CFAP47: variants seen among roughly 807,000 people sequenced by gnomAD.
CFAP47 encodes the protein cilia and flagella associated protein 47.
A neutral mutation model predicts 148.1 loss-of-function variants in CFAP47; 29 were observed. The ratio of observed to expected loss-of-function variants is 0.20; its 90% confidence interval spans 0.15 to 0.27. CFAP47 has a LOEUF of 0.27. Ranked by LOEUF, CFAP47 falls within the 10% of genes least tolerant of loss-of-function variation. The probability of loss-of-function intolerance (pLI) is 1.00; values close to 1 mark genes in which losing one functional copy is unlikely to be tolerated. For missense variants in CFAP47, 1,872 were observed against 1,697.5 expected (o/e 1.10, Z -1.81); for synonymous variants, 664 against 577.3 (o/e 1.15, Z -2.15).
chrX:36,371,672 ATGTG>A (rs1491349289), intron 62 of CFAP47, among the ~76,000 whole-genome samples: 3 of 70,056 alleles, frequency 4.3e-5, no homozygotes, highest in African/African-American at 1.7e-4. Context: ...ATATACACAC[ATGTG>A]TATATATGTG....
rs782074822 is a variant in CFAP47 at position 36,259,829 on chromosome X, C to G, written c.7444+8385C>G. 2.7e-5 allele frequency among the ~76,000 whole-genome samples: 3 copies of G among 111,295 alleles called. No homozygotes were observed. In the East Asian group the frequency reaches 8.5e-4, roughly 32 times the overall value. On this transcript the variant is annotated intron_variant, in intron 49 of 63. Coordinates refer to ENST00000378653, the MANE Select transcript of CFAP47 (RefSeq NM_001304548.2). ...TGTCACCAAGGTATTTAGCATAGTA[C>G]CTGATAAGTTGCCTTCCAACCAATG...
intron 57 of CFAP47, among the ~76,000 whole-genome samples, chrX:36,339,965 A>G (rs1357750538): frequency 9.8e-5 from 11 of 111,950 alleles, no homozygotes; most frequent in Non-Finnish European, 2.1e-4. Flanking sequence ...TGCATGAGTA[A>G]TGTGACCTTC....
At chrX:35,923,955 A>G (rs1430101628) in intron 1 of CFAP47, among the ~76,000 whole-genome samples, 1 of 77,901 alleles carries the variant, frequency 1.3e-5, no homozygotes, top group Non-Finnish European at 2.4e-5. Flanking sequence ...ATGTGTATAT[A>G]TGTACATATA....
chrX:36,261,878 G>T (rs4310351), intron 49 of CFAP47, among the ~76,000 whole-genome samples: 37,718 of 108,692 alleles, frequency 0.35, 7,544 homozygotes, highest in African/African-American at 0.75. Flanking sequence ...GCAGAGGGGC[G>T]CCTCACTTCC....
chrX:36,150,863 C>T, intron 37 of CFAP47, among the ~76,000 whole-genome samples: 1 of 111,470 alleles, frequency 9.0e-6, no homozygotes, highest in South Asian at 3.7e-4. Flanking sequence ...AGAACCTACC[C>T]ATTTTCCAAG....
chrX:35,951,433 A>G (rs768664361), intron 5 of CFAP47, 74 bp downstream of exon 5: 89 of 693,524 alleles, frequency 1.3e-4, no homozygotes, highest in Non-Finnish European at 1.8e-4. Flanking sequence ...ATAATAACCA[A>G]CAAGCTTTTT....
rs1490436459 is a variant in CFAP47, at chrX:36,301,175, G to A, written c.7966G>A (p.Gly2656Ser). 3 of 1,095,831 alleles carry A rather than the reference G, an allele frequency of 2.7e-6. No homozygotes were observed. Among genetic ancestry groups the A allele is most frequent in the African/African-American group, 3.7e-5 (2 of 54,107 alleles). 90.3% of individuals were successfully genotyped at this position (1,095,831 alleles called of 1,213,427 possible). The change falls in exon 53 of 64, where the codon GGC (glycine) becomes AGC (serine). Residue 2656 changes from glycine (G) to serine (S), a missense_variant. Gly to Ser is a moderately conservative substitution (Grantham distance 56). Coordinates refer to ENST00000378653, the MANE Select transcript of CFAP47 (RefSeq NM_001304548.2). ...TTMPEIQCDL[G>S]KHVTQIIPLV... is the part of the protein sequence containing the mutation. ...AATGCCAGAAATACAGTGCGACCTT[G>A]GCAAGTAAGTTCTACTTAATAGATA...
At chrX:36,376,083 G>A (rs1450031243) in intron 62 of CFAP47, among the ~76,000 whole-genome samples, 1 of 111,691 alleles carries the variant, frequency 9.0e-6, no homozygotes, top group Non-Finnish European at 1.9e-5. Context: ...TGGAGGCAGA[G>A]GCCAGCTGTG....
intron 49 of CFAP47, among the ~76,000 whole-genome samples, chrX:36,271,802 G>A (rs1205964950): frequency 5.4e-5 from 6 of 111,266 alleles, no homozygotes; most frequent in Admixed American, 4.8e-4. Context: ...AAGCTTTAGC[G>A]GAAAAAATGG....
chrX:36,364,903 TA>T (rs1941860028), intron 61 of CFAP47, among the ~76,000 whole-genome samples: 8 of 6,084 alleles, frequency 1.3e-3, no homozygotes, highest in Non-Finnish European at 1.8e-3. Flanking sequence ...ATTTTGTGCA[TA>T]TATATATATA....
At chrX:36,042,479 C>T (rs1937417467) in intron 25 of CFAP47, among the ~76,000 whole-genome samples, 1 of 110,215 alleles carries the variant, frequency 9.1e-6, no homozygotes, top group South Asian at 3.7e-4. Context: ...ACTTAAAATT[C>T]AATATAATTT....
rs994759158 is a variant in CFAP47 at position 36,006,025 on chromosome X, C to T, written c.3417+4318C>T. ...AAGTTTATGTATTTTTCTAATAAGTCTATATTGTGATTTTATATTTTCATA... is the reference window on the plus strand; with the variant it reads ...AAGTTTATGTATTTTTCTAATAAGTTTATATTGTGATTTTATATTTTCATA... On this transcript the variant is annotated intron_variant, in intron 21 of 63. Transcript: ENST00000378653. Among the ~76,000 whole-genome samples, 75 of 110,280 alleles carry T rather than the reference C, an allele frequency of 6.8e-4. 1 individual carries two copies. The highest frequency in any genetic ancestry group is 8.7e-4 in the Non-Finnish European group (46 of 52,727).
At chrX:36,108,501 ATCTACCTACTTTTT>A (rs1201576083) in intron 33 of CFAP47, among the ~76,000 whole-genome samples, 1 of 111,774 alleles carries the variant, frequency 8.9e-6, no homozygotes, top group Non-Finnish European at 1.9e-5. Context: ...TATCTTCTGA[ATCTACCTACTTTTT>A]TCTAGCTCTT....
At chrX:36,168,902 T>G (rs1229866399) in intron 39 of CFAP47, among the ~76,000 whole-genome samples, 1 of 112,615 alleles carries the variant, frequency 8.9e-6, no homozygotes, top group African/African-American at 3.2e-5. Flanking sequence ...GAAATATTTC[T>G]TGTGCCACAG....
rs1556020434 is a variant in CFAP47 at position 36,367,071 on chromosome X, A to G, written c.9129A>G (p.Glu3043=). Residue 3043 remains glutamate (E), a synonymous_variant, in exon 62 of 64, where the codon GAA becomes GAG. Coordinates refer to ENST00000378653, the MANE Select transcript of CFAP47 (RefSeq NM_001304548.2). ...EPDTDAVIDI[E]GVGLFKESVF... ...ATACGGATGCTGTCATTGACATTGA[A>G]GGAGTTGGTTTATTTAAGGAATCTG... is the stretch of plus-strand genomic sequence containing the variant. 1 of 1,160,642 alleles carries G rather than the reference A, an allele frequency of 8.6e-7. No individual in the cohort carries two copies. The highest frequency in any genetic ancestry group is 1.8e-5 in the African/African-American group (1 of 56,210).
intron 44 of CFAP47, among the ~76,000 whole-genome samples, chrX:36,201,703 T>A (rs144690574): frequency 0.013 from 1,464 of 112,070 alleles, 23 homozygotes; most frequent in African/African-American, 0.045. Context: ...AGCATTCTAC[T>A]ATGTAATTTA....
chrX:35,925,198 C>T (rs1935718369), intron 1 of CFAP47, among the ~76,000 whole-genome samples: 1 of 110,613 alleles, frequency 9.0e-6, no homozygotes, highest in South Asian at 3.9e-4. Context: ...CAGTGAAACC[C>T]CATCTCTACT....
intron 26 of CFAP47, among the ~76,000 whole-genome samples, chrX:36,051,644 T>C (rs769293433): frequency 1.8e-5 from 2 of 111,846 alleles, no homozygotes; most frequent in African/African-American, 6.5e-5. Context: ...GGACTTGCCT[T>C]ATATCAGATG....
At chrX:36,117,316 T>C (rs1291873048) in intron 33 of CFAP47, among the ~76,000 whole-genome samples, 7 of 111,709 alleles carry the variant, frequency 6.3e-5, no homozygotes, top group Non-Finnish European at 9.4e-5. Context: ...TTTAGGGTTT[T>C]AATGAACTTC....
Sources: allele counts gnomAD v4.1 joint callset (sites outside exome capture counted in the v4.1 genomes callset), GRCh38; gene constraint gnomAD v4.1.1; transcripts MANE v1.5; gene names NCBI Gene and HGNC (gene_info 2026-07-23, HGNC 2026-07-21).